WDR46: variants seen among roughly 807,000 people sequenced by gnomAD.
WDR46 encodes WD repeat-containing protein 46.
Under a neutral mutation model 74.7 loss-of-function variants are expected in WDR46, and 58 were observed. The ratio of observed to expected loss-of-function variants is 0.78; its 90% CI spans 0.63 to 0.97. The LOEUF is 0.97. Ranked by LOEUF, WDR46 falls within the 50% of genes least tolerant of loss-of-function variation. WDR46 has a pLI of 0.00. For missense variants in WDR46, 702 were observed against 790.1 expected, an observed-to-expected ratio of 0.89 and a Z score of 1.34; for synonymous variants, 278 against 297.3, an observed-to-expected ratio of 0.93 and a Z score of 0.67.
In WDR46 at chr6:33,287,960, C is replaced by A; in HGVS notation, c.623+5G>T. On this transcript the variant is annotated splice_donor_5th_base_variant and intron_variant, in intron 6 of 14. Coordinates refer to ENST00000374617, the MANE Select transcript of WDR46 (RefSeq NM_005452.6). ...AGTTCAAGAGTCACTAGAATTCAAC[C>A]TTACCTTCCAGTTCGAGAGTAGTTT... The A allele has an allele frequency of 6.2e-7, 1 of 1,614,122 alleles. No homozygotes were observed. The highest frequency in any genetic ancestry group is 8.5e-7 in the Non-Finnish European group (1 of 1,179,960).
chr6:33,280,419 G>T lies in WDR46; in HGVS notation c.1524+9C>A. 6.4e-7 allele frequency: 1 copy of T among 1,563,862 alleles called. No individual in the cohort carries two copies. The highest frequency in any genetic ancestry group is 2.4e-5 in the East Asian group (1 of 42,320). ...GGGGATCTCACCCTCTCCAGCAGGG[G>T]AGCCTCACCTTCTCTAGCAGGGCCT... On this transcript the variant is annotated intron_variant, in intron 12 of 14. Transcript: ENST00000374617.
In WDR46 at chr6:33,286,831, C is replaced by T; in HGVS notation, c.1079G>A (p.Gly360Asp). ...EPLAKILCHR[G>D]GVRAVAVDST... is the part of the protein sequence containing the mutation. ...ATCTACTGCCACAGCCCGGACCCCACCACGATGACAGAGAATCTTTGCCAG... is the reference window on the plus strand; with the variant it reads ...ATCTACTGCCACAGCCCGGACCCCATCACGATGACAGAGAATCTTTGCCAG... Residue 360 changes from glycine to aspartate, a missense_variant, in exon 10 of 15, where the codon GGT becomes GAT. Gly to Asp is a moderately conservative substitution (Grantham distance 94). Coordinates refer to ENST00000374617, the MANE Select transcript of WDR46 (RefSeq NM_005452.6). The T allele has an allele frequency of 1.9e-6, 3 of 1,614,124 alleles. No homozygotes were observed. The highest frequency in any genetic ancestry group is 2.5e-6 in the Non-Finnish European group (3 of 1,180,048).
chr6:33,287,614 C>A lies in WDR46; in HGVS notation c.728G>T (p.Arg243Leu). 1 of 1,613,874 alleles carries A rather than the reference C, an allele frequency of 6.2e-7. No homozygotes were observed. Among genetic ancestry groups the A allele is most frequent in the East Asian group, 2.2e-5 (1 of 44,852 alleles). ...INVMEAVRDI[R>L]FLHSEALLAV... is the part of the protein sequence containing the mutation. Reference sequence around the variant, plus strand: ...GACCGCTGACAGTGAGGCCACTGACCGGATGTCCCGCACCGCCTCCATGAC... The same window carrying A: ...GACCGCTGACAGTGAGGCCACTGACAGGATGTCCCGCACCGCCTCCATGAC... Residue 243 changes from arginine (R) to leucine (L), a missense_variant and splice_region_variant, in exon 7 of 15, where the codon CGG (arginine) becomes CTG (leucine). Physicochemically the swap from Arg to Leu is moderately radical, Grantham distance 102 (BLOSUM62 -2). Coordinates refer to ENST00000374617, the MANE Select transcript of WDR46 (RefSeq NM_005452.6).
intron 10 of WDR46, among the ~76,000 whole-genome samples, chr6:33,281,796 G>GA (rs1194220500): frequency 2.0e-5 from 3 of 152,156 alleles, no homozygotes; most frequent in Non-Finnish European, 4.4e-5. Context: ...TCCTCTCCAG[G>GA]AATCATGTAC....
chr6:33,288,473 G>GT lies in WDR46; in HGVS notation c.361-4dup, dbSNP rs1162715219. 1 of 1,614,042 alleles carries GT rather than the reference G, an allele frequency of 6.2e-7. No homozygotes were observed. Among genetic ancestry groups the GT allele is most frequent in the Admixed American group, 1.7e-5 (1 of 60,010 alleles). On this transcript the variant is annotated splice_polypyrimidine_tract_variant and splice_region_variant and intron_variant, in intron 3 of 14. Transcript: ENST00000374617. ...GTTTTGGCTTTAGAATGTGGTAGCTGTAACATTGTTGGTGGGGAGGAGTGG... is the reference window on the plus strand; with the variant it reads ...GTTTTGGCTTTAGAATGTGGTAGCTGTTAACATTGTTGGTGGGGAGGAGTGG...
At chr6:33,286,495 A>G (rs1581682216) in intron 10 of WDR46, among the ~76,000 whole-genome samples, 2 of 152,326 alleles carry the variant, frequency 1.3e-5, no homozygotes, top group Admixed American at 1.3e-4. Context: ...TTAAATGCCT[A>G]CATGGTACCC....
Position 33,280,766 on chromosome 6 carries a change from A to G in WDR46, c.1337T>C (p.Leu446Pro). 3 of 1,613,948 alleles carry G rather than the reference A, an allele frequency of 1.9e-6. No homozygotes were observed. The highest frequency in any genetic ancestry group is 2.5e-6 in the Non-Finnish European group (3 of 1,179,888). The change falls in exon 11 of 15, where the codon CTC (leucine) becomes CCC (proline). Residue 446 changes from leucine to proline, a missense_variant. Transcript: ENST00000374617. ...CTGAAGGCCATGCACAGGGCCTGAG[A>G]GCCGGTGGGTGAGGTAGGGCTGTTC... The part of the protein sequence containing the change: ...SLEQPYLTHR[L>P]SGPVHGLQFC...
At chr6:33,288,745 C>A (rs1205731547) in intron 2 of WDR46, 51 bp from the exon 3 acceptor site, 1 of 1,613,098 alleles carries the variant, frequency 6.2e-7, no homozygotes, top group Non-Finnish European at 8.5e-7. Context: ...TGACCCCAAC[C>A]CTCTCACTCT....
intron 10 of WDR46, 49 bp downstream of exon 10, chr6:33,286,746 C>T (rs757394617): frequency 3.2e-6 from 5 of 1,578,284 alleles, no homozygotes; most frequent in Middle Eastern, 1.7e-4. Context: ...CCTTCCACAC[C>T]TTTCTGCCCA....
intron 12 of WDR46, 105 bp from the exon 13 acceptor site, chr6:33,279,964 G>A (rs1765981538): frequency 4.7e-6 from 5 of 1,060,062 alleles, no homozygotes; most frequent in Non-Finnish European, 2.7e-6. Flanking sequence ...AAGACCCCCA[G>A]CATGAGACAT....
At chr6:33,281,015 A>T in intron 10 of WDR46, 28 bp from the exon 11 acceptor site, 1 of 1,556,070 alleles carries the variant, frequency 6.4e-7, no homozygotes, top group Non-Finnish European at 8.7e-7. Context: ...ATCAATTAAT[A>T]TGTCAGTAAA....
intron 9 of WDR46, 59 bp from the exon 10 acceptor site, chr6:33,286,953 AT>A (rs765486438): frequency 1.5e-4 from 235 of 1,597,154 alleles, no homozygotes; most frequent in Non-Finnish European, 2.0e-4. Flanking sequence ...GTTACTAAAC[AT>A]GGGAAAGATG....
At chr6:33,287,577 C>T (rs1289331219) in intron 7 of WDR46, 37 bp downstream of exon 7, 1 of 1,613,776 alleles carries the variant, frequency 6.2e-7, no homozygotes, top group Non-Finnish European at 8.5e-7. Flanking sequence ...AATGGACTAT[C>T]TCACCCCAAC....
Position 33,279,826 on chromosome 6 carries a change from C to A in WDR46, c.1558G>T (p.Ala520Ser), listed in dbSNP as rs779705594. 1 of 1,613,962 alleles carries A rather than the reference C, an allele frequency of 6.2e-7. No homozygotes were observed. Among genetic ancestry groups the A allele is most frequent in the African/African-American group, 1.3e-5 (1 of 74,892 alleles). The part of the protein sequence containing the change: ...PAELICLDPR[A>S]LAEVDVISLE... Reference sequence around the variant, plus strand: ...GAGATGACATCCACCTCGGCCAGGGCTCGTGGGTCCAGACAAATAAGCTCT... The same window carrying A: ...GAGATGACATCCACCTCGGCCAGGGATCGTGGGTCCAGACAAATAAGCTCT... The change falls in exon 13 of 15, where the codon GCC becomes TCC. Residue 520 changes from alanine (A) to serine (S), a missense_variant. Coordinates refer to ENST00000374617, the MANE Select transcript of WDR46 (RefSeq NM_005452.6).
Position 33,287,159 on chromosome 6 carries a change from C to G in WDR46, c.947G>C (p.Arg316Pro). Residue 316 changes from arginine to proline, a missense_variant, in exon 9 of 15, where the codon CGA becomes CCA. Coordinates refer to ENST00000374617, the MANE Select transcript of WDR46 (RefSeq NM_005452.6). ...ACTCATAACATCGAGCCGCCCAGCT[C>G]GAGCATTCAGAGCTGCCACAATCTT... is the stretch of plus-strand genomic sequence containing the variant. Reference protein sequence around the residue: ...VGKIVAALNARAGRLDVMSQN... With the variant: ...VGKIVAALNAPAGRLDVMSQN... 6.2e-7 allele frequency: 1 copy of G among 1,613,806 alleles called. No homozygotes were observed. Among genetic ancestry groups the G allele is most frequent in the Non-Finnish European group, 8.5e-7 (1 of 1,180,008 alleles).
At position 33,287,930 on chromosome 6, in the gene WDR46, A is replaced by G. The variant is rs1766823944; in HGVS notation, c.623+35T>C. 2.5e-6 allele frequency: 4 copies of G among 1,611,816 alleles called. No individual in the cohort carries two copies. The East Asian group carries it at 8.9e-5, about 36-fold the overall frequency. On this transcript the variant is annotated intron_variant, in intron 6 of 14. Transcript: ENST00000374617. ...ATGGCTGAAGTGGTTAAGGAAACAC[A>G]TCTTAGTTCAAGAGTCACTAGAATT...
At chr6:33,279,461 C>T (rs1211668358) in intron 14 of WDR46, 36 bp downstream of exon 14, 3 of 1,610,652 alleles carry the variant, frequency 1.9e-6, no homozygotes, top group Non-Finnish European at 2.5e-6. Flanking sequence ...AGGGTGCAGC[C>T]TGTGGAAGGC....
In WDR46 at chr6:33,287,982, G is replaced by GT; in HGVS notation, c.605dup (p.Asn202LysfsTer22). 6.2e-7 allele frequency: 1 copy of GT among 1,614,172 alleles called. No homozygotes were observed. Among genetic ancestry groups the GT allele is most frequent in the Non-Finnish European group, 8.5e-7 (1 of 1,180,028 alleles). On this transcript the variant is annotated frameshift_variant, in exon 6 of 15. Coordinates refer to ENST00000374617, the MANE Select transcript of WDR46 (RefSeq NM_005452.6). LOFTEE classifies it high-confidence loss of function. ...AACCTTACCTTCCAGTTCGAGAGTA[G>GT]TTTAGTCTGTAGGGTCCAAACTGCC...
chr6:33,280,277 CCTTCTCCAGCAGTGGGGAACCTGA>C, intron 12 of WDR46, 127 bp downstream of exon 12: 2 of 694,560 alleles, frequency 2.9e-6, no homozygotes, highest in Non-Finnish European at 4.8e-6. Context: ...GGGAACCTGA[CCTTCTCCAGCAGTGGGGAACCTGA>C]CCTTCTCCAG....
Sources: gnomAD v4.1 joint callset for allele counts (sites outside exome capture counted in the v4.1 genomes callset) on GRCh38, gnomAD v4.1.1 for gene constraint, MANE v1.5 for transcripts, NCBI Gene and HGNC (gene_info 2026-07-23, HGNC 2026-07-21) for gene names.